COMMD1: variants seen among roughly 807,000 people sequenced by gnomAD.
COMMD1 encodes COMM domain-containing protein 1.
In COMMD1, 10 loss-of-function variants were observed where a neutral mutation model predicts 17.2. That is an observed-to-expected ratio of 0.58 (90% CI 0.36 to 0.99). COMMD1 has a LOEUF of 0.99. COMMD1 is among the 50% of genes least tolerant of loss of function. The probability of loss-of-function intolerance (pLI) is 0.01; values close to 1 mark genes in which losing one functional copy is unlikely to be tolerated. For synonymous variants in COMMD1, 97 were observed against 91.6 expected (o/e 1.06, Z -0.34); for missense variants, 270 against 231.8 (o/e 1.17, Z -1.07).
At chr2:62,098,697 T>C (rs1304060932) in intron 2 of COMMD1, among the ~76,000 whole-genome samples, 1 of 152,242 alleles carries the variant, frequency 6.6e-6, no homozygotes, top group Non-Finnish European at 1.5e-5. Flanking sequence ...TTGCCCAATC[T>C]GTAACCGTGG....
chr2:62,050,571 T>G (rs766735137), intron 2 of COMMD1, among the ~76,000 whole-genome samples: 1 of 152,220 alleles, frequency 6.6e-6, no homozygotes, highest in Admixed American at 6.5e-5. Flanking sequence ...TGTTTTGTTA[T>G]TCAGCCTTGA....
intron 1 of COMMD1, among the ~76,000 whole-genome samples, chr2:61,914,238 G>C (rs1042122155): frequency 6.6e-6 from 1 of 152,084 alleles, no homozygotes; most frequent in Non-Finnish European, 1.5e-5. Flanking sequence ...TTGGTTACTT[G>C]ATAAATATCT....
At chr2:62,029,586 A>G (rs566117903) in intron 2 of COMMD1, among the ~76,000 whole-genome samples, 1 of 152,322 alleles carries the variant, frequency 6.6e-6, no homozygotes, top group South Asian at 2.1e-4. Flanking sequence ...TAATCATTTA[A>G]AGAGAAACTT....
chr2:62,015,863 T>A (rs550796894), intron 2 of COMMD1, among the ~76,000 whole-genome samples: 2 of 152,230 alleles, frequency 1.3e-5, no homozygotes, highest in Admixed American at 1.3e-4. Context: ...ACAAGAGTCT[T>A]GCTCCATCTC....
chr2:61,955,312 T>TTCTCTC (rs70946770), intron 1 of COMMD1, among the ~76,000 whole-genome samples: 3,507 of 145,440 alleles, frequency 0.024, 102 homozygotes, highest in African/African-American at 0.067. Context: ...CTCTCTCTCT[T>TTCTCTC]TCTCTCTCTC....
At chr2:62,060,428 G>A (rs760865161) in intron 2 of COMMD1, among the ~76,000 whole-genome samples, 1 of 152,178 alleles carries the variant, frequency 6.6e-6, no homozygotes, top group Non-Finnish European at 1.5e-5. Context: ...TTATGCAGTA[G>A]TTGTCATGGT....
intron 1 of COMMD1, among the ~76,000 whole-genome samples, chr2:61,963,596 G>A (rs1472904408): frequency 1.3e-5 from 2 of 152,170 alleles, no homozygotes; most frequent in African/African-American, 4.8e-5. Context: ...TGCCCGCCTC[G>A]GCCTCCCAAA....
chr2:62,130,663 TTA>T (rs1673005764), intron 2 of COMMD1, among the ~76,000 whole-genome samples: 1 of 152,236 alleles, frequency 6.6e-6, no homozygotes, highest in Admixed American at 6.5e-5. Context: ...TTGTTTTATT[TTA>T]TGTTGAATTT....
At chr2:61,964,639 C>G (rs1394745922) in intron 1 of COMMD1, among the ~76,000 whole-genome samples, 1 of 151,892 alleles carries the variant, frequency 6.6e-6, no homozygotes, top group Non-Finnish European at 1.5e-5. Context: ...TCAAGACCAG[C>G]CTGACCAACA....
At chr2:61,993,023 A>G (rs2103784258) in intron 1 of COMMD1, among the ~76,000 whole-genome samples, 1 of 150,828 alleles carries the variant, frequency 6.6e-6, no homozygotes. Flanking sequence ...TGCTAACTAT[A>G]TTATGTACAA....
chr2:62,052,566 G>A (rs1670566430), intron 2 of COMMD1, among the ~76,000 whole-genome samples: 1 of 152,062 alleles, frequency 6.6e-6, no homozygotes, highest in Non-Finnish European at 1.5e-5. Context: ...AAAGGTAAAG[G>A]TACATATCTC....
At chr2:62,061,628 T>G (rs1277244662) in intron 2 of COMMD1, among the ~76,000 whole-genome samples, 3 of 149,216 alleles carry the variant, frequency 2.0e-5, no homozygotes, top group African/African-American at 7.4e-5. Flanking sequence ...CGATCTCAGC[T>G]CACTGCAAGC....
intron 2 of COMMD1, among the ~76,000 whole-genome samples, chr2:62,121,946 C>T (rs1054909277): frequency 5.3e-5 from 8 of 152,084 alleles, no homozygotes; most frequent in Admixed American, 1.3e-4. Context: ...TACCCACCAC[C>T]GTGCCCAGCT....
chr2:62,042,007 C>T (rs1454149644), intron 2 of COMMD1, among the ~76,000 whole-genome samples: 4 of 152,326 alleles, frequency 2.6e-5, no homozygotes, highest in African/African-American at 9.6e-5. Context: ...GCTTTTTATT[C>T]CCTTATCTGG....
chr2:61,975,944 CTG>C, intron 1 of COMMD1, among the ~76,000 whole-genome samples: 2 of 152,222 alleles, frequency 1.3e-5, no homozygotes, highest in Middle Eastern at 3.4e-3. Flanking sequence ...TCTTCTGCTA[CTG>C]TTGGATGAAG....
intron 1 of COMMD1, among the ~76,000 whole-genome samples, chr2:61,938,008 A>T (rs567381305): frequency 2.6e-5 from 4 of 152,184 alleles, no homozygotes; most frequent in Non-Finnish European, 5.9e-5. Context: ...TAGTCTTAGT[A>T]GCAAGGCATT....
chr2:62,057,472 G>A (rs1355857331), intron 2 of COMMD1, among the ~76,000 whole-genome samples: 1 of 152,092 alleles, frequency 6.6e-6, no homozygotes, highest in African/African-American at 2.4e-5. Flanking sequence ...TTAAGATTGT[G>A]TGTTTATGAA....
intron 1 of COMMD1, among the ~76,000 whole-genome samples, chr2:61,986,789 G>A (rs1255186590): frequency 2.0e-5 from 3 of 151,820 alleles, no homozygotes; most frequent in African/African-American, 7.3e-5. Context: ...GGCTGGTCTT[G>A]AACTCCAGAG....
rs1669666685 is a variant in COMMD1, at chr2:62,023,383, C to T, written c.462+22401C>T. Among the ~76,000 whole-genome samples the T allele has an allele frequency of 2.0e-5, 3 of 151,990 alleles. No homozygotes were observed. The South Asian group carries it at 6.2e-4, about 32-fold the overall frequency. The stretch of plus-strand genomic sequence containing the variant: ...CTTAAATCCAAAACAAAGAGAAAAA[C>T]TGAATGTGTGTATTGTGAGGAAGAA... On this transcript the variant is annotated intron_variant, in intron 2 of 2. Coordinates refer to ENST00000311832, the MANE Select transcript of COMMD1 (RefSeq NM_152516.4).
Sources: allele counts gnomAD v4.1 joint callset (sites outside exome capture counted in the v4.1 genomes callset), GRCh38; gene constraint gnomAD v4.1.1; transcripts MANE v1.5; gene names NCBI Gene and HGNC (gene_info 2026-07-23, HGNC 2026-07-21).